Variants in GPHN observed in about 807,000 individuals in gnomAD.
GPHN encodes gephyrin.
Under a neutral mutation model 95.5 loss-of-function variants are expected in GPHN, and 17 were observed. The observed-to-expected ratio is 0.18, with a 90% CI of 0.12 to 0.27. The LOEUF is 0.27. Ranked by LOEUF, GPHN falls within the 10% of genes least tolerant of loss-of-function variation. The pLI is 1.00. For synonymous variants in GPHN, 320 were observed against 322.5 expected (o/e 0.99, Z 0.08); for missense variants, 660 against 978.1 (o/e 0.67, Z 4.34).
chr14:67,278,788 T>A, the GPHN span, among the ~76,000 whole-genome samples: 1 of 152,244 alleles, frequency 6.6e-6, no homozygotes, highest in Admixed American at 6.5e-5. Context: ...TTTCTTAGCT[T>A]TAAAATTGAA....
chr14:67,297,550 A>G, the GPHN span, among the ~76,000 whole-genome samples: 2 of 152,212 alleles, frequency 1.3e-5, no homozygotes, highest in East Asian at 1.9e-4. Flanking sequence ...GATTTATATA[A>G]ACAGGCTTCT....
At chr14:66,550,540 A>T (rs545416087) in intron 1 of GPHN, among the ~76,000 whole-genome samples, 1 of 152,370 alleles carries the variant, frequency 6.6e-6, no homozygotes, top group Non-Finnish European at 1.5e-5. Context: ...ACATGAACTT[A>T]GTTGATAAAG....
chr14:66,512,224 C>G (rs2058065259), intron 1 of GPHN, among the ~76,000 whole-genome samples: 1 of 151,830 alleles, frequency 6.6e-6, no homozygotes, highest in Non-Finnish European at 1.5e-5. Context: ...AGTTACATAG[C>G]AGGCTCACTA....
At chr14:67,388,153 A>T in the GPHN span, 1 of 931,202 alleles carries the variant, frequency 1.1e-6, no homozygotes, top group Non-Finnish European at 1.8e-6. Flanking sequence ...TCATTTCATT[A>T]GTGGGACATT....
chr14:66,606,161 A>AT (rs2062523588), intron 1 of GPHN, among the ~76,000 whole-genome samples: 1 of 152,040 alleles, frequency 6.6e-6, no homozygotes, highest in Admixed American at 6.6e-5. Flanking sequence ...TCTTGGGTTA[A>AT]TTTTTGTATG....
chr14:67,665,670 A>G, the GPHN span, among the ~76,000 whole-genome samples: 47 of 152,232 alleles, frequency 3.1e-4, 1 homozygote, highest in African/African-American at 1.1e-3. Context: ...TTATTTTGTC[A>G]TTTTTACTGT....
In GPHN at chr14:66,749,597, A is replaced by T. The variant is rs1461767573; in HGVS notation, c.144-26867A>T. Among the ~76,000 whole-genome samples the T allele has an allele frequency of 2.0e-5, 3 of 151,912 alleles. No homozygotes were observed. The East Asian group carries it at 5.8e-4, about 29-fold the overall frequency. Reference sequence around the variant, plus strand: ...ATTTGCATTTTACTGATGATATATGATGTGGAGTATCTTTTCACATTATTA... The same window carrying T: ...ATTTGCATTTTACTGATGATATATGTTGTGGAGTATCTTTTCACATTATTA... On this transcript the variant is annotated intron_variant, in intron 2 of 22. Transcript: ENST00000478722.
At chr14:66,803,215 G>A (rs1364910878) in intron 3 of GPHN, among the ~76,000 whole-genome samples, 3 of 152,156 alleles carry the variant, frequency 2.0e-5, no homozygotes, top group Non-Finnish European at 2.9e-5. Flanking sequence ...GGGCAACACC[G>A]AGTTCAGTGC....
At chr14:67,575,213 C>T in the GPHN span, among the ~76,000 whole-genome samples, 2 of 151,988 alleles carry the variant, frequency 1.3e-5, no homozygotes, top group African/African-American at 2.4e-5. Context: ...GCTGGGGTGC[C>T]ACAGGGTGTC....
At chr14:67,699,461 G>A in the GPHN span, among the ~76,000 whole-genome samples, 6 of 151,764 alleles carry the variant, frequency 4.0e-5, no homozygotes, top group African/African-American at 1.2e-4. Flanking sequence ...GTACTGGTGT[G>A]TGCCTTTGGT....
At chr14:66,616,986 G>A (rs1012866997) in intron 1 of GPHN, among the ~76,000 whole-genome samples, 2 of 152,196 alleles carry the variant, frequency 1.3e-5, no homozygotes, top group East Asian at 3.9e-4. Flanking sequence ...GATTACAGGC[G>A]TGAGCCACCA....
chr14:66,566,248 A>C (rs1285834891), intron 1 of GPHN, among the ~76,000 whole-genome samples: 4 of 151,972 alleles, frequency 2.6e-5, no homozygotes, highest in African/African-American at 9.7e-5. Flanking sequence ...AGCCTACTTA[A>C]AAAAAACCTA....
At chr14:67,104,673 T>C (rs546234252) in intron 13 of GPHN, among the ~76,000 whole-genome samples, 3 of 152,196 alleles carry the variant, frequency 2.0e-5, no homozygotes, top group Non-Finnish European at 4.4e-5. Context: ...CTAATGACCC[T>C]TTGTATTTCT....
chr14:66,625,761 T>G (rs2063503632), intron 1 of GPHN, among the ~76,000 whole-genome samples: 1 of 152,202 alleles, frequency 6.6e-6, no homozygotes, highest in African/African-American at 2.4e-5. Flanking sequence ...CCCAAATCCT[T>G]TTTGTTTGTT....
At chr14:67,719,728 T>G in the GPHN span, among the ~76,000 whole-genome samples, 1 of 152,206 alleles carries the variant, frequency 6.6e-6, no homozygotes, top group Non-Finnish European at 1.5e-5. Context: ...TCCTCCTGCC[T>G]CGGTTTCCCA....
At chr14:67,477,248 T>G in the GPHN span, among the ~76,000 whole-genome samples, 2 of 152,218 alleles carry the variant, frequency 1.3e-5, no homozygotes, top group Non-Finnish European at 2.9e-5. Context: ...TCAAGATTCT[T>G]CATGACCTTG....
At chr14:67,600,783 T>C in the GPHN span, among the ~76,000 whole-genome samples, 1 of 152,152 alleles carries the variant, frequency 6.6e-6, no homozygotes, top group Non-Finnish European at 1.5e-5. Context: ...TTCACCATGT[T>C]GGCCAGGTTG....
At chr14:67,273,266 C>G in the GPHN span, among the ~76,000 whole-genome samples, 19 of 152,052 alleles carry the variant, frequency 1.2e-4, no homozygotes, top group African/African-American at 4.3e-4. Flanking sequence ...TCGCTCCCCC[C>G]TCCCACCTCC....
the GPHN span, among the ~76,000 whole-genome samples, chr14:67,492,910 C>A: frequency 6.6e-6 from 1 of 152,312 alleles, no homozygotes; most frequent in East Asian, 1.9e-4. Context: ...AATAACTAAG[C>A]AGCTCTAAAC....
Sources: gnomAD v4.1 joint callset for allele counts (sites outside exome capture counted in the v4.1 genomes callset) on GRCh38, gnomAD v4.1.1 for gene constraint, MANE v1.5 for transcripts, NCBI Gene and HGNC (gene_info 2026-07-23, HGNC 2026-07-21) for gene names.